NEGR1: variants seen among roughly 807,000 people sequenced by gnomAD.
NEGR1 encodes neuronal growth regulator 1, also known as IgLON family member 4.
In NEGR1, 10 loss-of-function variants were observed where a neutral mutation model predicts 40.9. The ratio of observed to expected loss-of-function variants is 0.24; its 90% CI spans 0.15 to 0.42. The LOEUF (loss-of-function observed/expected upper bound fraction) is 0.42, where lower values mean the gene tolerates loss of function less well. NEGR1 is among the 10% of genes least tolerant of loss of function. The pLI, the probability that NEGR1 is intolerant of heterozygous loss-of-function variation, is 1.00. For synonymous variants in NEGR1, 185 were observed against 166.8 expected (o/e 1.11, Z -0.84); for missense variants, 352 against 438.9 (o/e 0.80, Z 1.77).
intron 1 of NEGR1, among the ~76,000 whole-genome samples, chr1:72,067,133 A>C (rs540119064): frequency 3.0e-4 from 46 of 152,262 alleles, no homozygotes; most frequent in African/African-American, 1.1e-3. Flanking sequence ...AATAGCAAGT[A>C]CTATAAACAT....
At chr1:71,989,829 CA>C (rs1557471408) in intron 1 of NEGR1, among the ~76,000 whole-genome samples, 1 of 152,226 alleles carries the variant, frequency 6.6e-6, no homozygotes, top group East Asian at 1.9e-4. Context: ...CTCTCTCAGT[CA>C]AAACTCCTTG....
At chr1:72,043,864 T>A (rs1310575002) in intron 1 of NEGR1, among the ~76,000 whole-genome samples, 1 of 151,886 alleles carries the variant, frequency 6.6e-6, no homozygotes, top group Admixed American at 6.6e-5. Flanking sequence ...CTCCTGGATA[T>A]TTTGGTTGGA....
chr1:71,671,257 C>A (rs1457738610), intron 4 of NEGR1, among the ~76,000 whole-genome samples: 2 of 152,066 alleles, frequency 1.3e-5, no homozygotes, highest in African/African-American at 4.8e-5. Context: ...ATTAACCTTG[C>A]TCCTGGCAGT....
intron 1 of NEGR1, among the ~76,000 whole-genome samples, chr1:72,251,367 T>C (rs1655082817): frequency 6.6e-6 from 1 of 152,166 alleles, no homozygotes; most frequent in South Asian, 2.1e-4. Flanking sequence ...ATTAAATTAG[T>C]ATAAACATTA....
At chr1:72,030,142 G>A (rs1297653532) in intron 1 of NEGR1, among the ~76,000 whole-genome samples, 1 of 151,734 alleles carries the variant, frequency 6.6e-6, no homozygotes, top group Non-Finnish European at 1.5e-5. Context: ...CTTGACACAA[G>A]TGACAATGTA....
At chr1:71,523,480 T>C (rs1647178321) in intron 6 of NEGR1, among the ~76,000 whole-genome samples, 1 of 151,924 alleles carries the variant, frequency 6.6e-6, no homozygotes, top group Non-Finnish European at 1.5e-5. Context: ...AATATGAGTA[T>C]GAATATTACC....
chr1:71,987,523 G>A (rs1646405942), intron 1 of NEGR1, among the ~76,000 whole-genome samples: 3 of 152,184 alleles, frequency 2.0e-5, no homozygotes, highest in Admixed American at 2.0e-4. Flanking sequence ...GAAACAGAAT[G>A]CAGGGCATTG....
At chr1:72,161,558 T>A (rs148679264) in intron 1 of NEGR1, among the ~76,000 whole-genome samples, 1 of 152,122 alleles carries the variant, frequency 6.6e-6, no homozygotes, top group African/African-American at 2.4e-5. Flanking sequence ...CTCCAAAATA[T>A]CAAGAGGACA....
intron 2 of NEGR1, among the ~76,000 whole-genome samples, chr1:71,801,895 A>C (rs2101749212): frequency 6.6e-6 from 1 of 152,334 alleles, no homozygotes; most frequent in Non-Finnish European, 1.5e-5. Flanking sequence ...GCAAGCTATT[A>C]TTGTTTTAGA....
At chr1:71,427,709 A>G (rs1294657550) in intron 6 of NEGR1, among the ~76,000 whole-genome samples, 1 of 152,204 alleles carries the variant, frequency 6.6e-6, no homozygotes, top group Non-Finnish European at 1.5e-5. Flanking sequence ...ATGCTATTCA[A>G]TACATTCAGT....
At chr1:71,931,074 C>T (rs1004776701) in intron 2 of NEGR1, among the ~76,000 whole-genome samples, 1 of 152,096 alleles carries the variant, frequency 6.6e-6, no homozygotes, top group East Asian at 1.9e-4. Context: ...AATAAGCCCA[C>T]CCTTGATAAG....
intron 1 of NEGR1, among the ~76,000 whole-genome samples, chr1:72,219,708 G>A (rs1653947905): frequency 6.6e-6 from 1 of 151,928 alleles, no homozygotes; most frequent in East Asian, 1.9e-4. Flanking sequence ...CTTACATATA[G>A]CCACAATATT....
chr1:71,915,732 C>T (rs934981352), intron 2 of NEGR1, among the ~76,000 whole-genome samples: 6 of 151,990 alleles, frequency 3.9e-5, no homozygotes, highest in African/African-American at 1.4e-4. Context: ...TGTGTAATAT[C>T]GTAATTTAGG....
chr1:72,043,185 C>A (rs532126145), intron 1 of NEGR1, among the ~76,000 whole-genome samples: 1 of 152,038 alleles, frequency 6.6e-6, no homozygotes, highest in South Asian at 2.1e-4. Context: ...CCCAGCTTTC[C>A]TGAGTTCACA....
intron 3 of NEGR1, among the ~76,000 whole-genome samples, chr1:71,720,966 A>G (rs1357846054): frequency 2.0e-5 from 3 of 152,184 alleles, no homozygotes; most frequent in African/African-American, 7.2e-5. Context: ...TCAGCACTGC[A>G]ATATCCTTTC....
chr1:72,050,553 A>C (rs1045030548), intron 1 of NEGR1, among the ~76,000 whole-genome samples: 3 of 151,478 alleles, frequency 2.0e-5, no homozygotes, highest in Admixed American at 1.3e-4. Flanking sequence ...GGTAATCATT[A>C]TTTTTTATTC....
intron 6 of NEGR1, among the ~76,000 whole-genome samples, chr1:71,553,695 C>T (rs534899626): frequency 6.6e-6 from 1 of 151,592 alleles, no homozygotes; most frequent in Admixed American, 6.6e-5. Flanking sequence ...TCTGTTTGTG[C>T]ATAATTTTAA....
chr1:72,107,761 C>A (rs1485063523), intron 1 of NEGR1, among the ~76,000 whole-genome samples: 1 of 150,756 alleles, frequency 6.6e-6, no homozygotes, highest in Non-Finnish European at 1.5e-5. Flanking sequence ...TATATGTACA[C>A]CATACGTACA....
At chr1:71,832,537 C>G (rs1295169152) in intron 2 of NEGR1, among the ~76,000 whole-genome samples, 1 of 152,020 alleles carries the variant, frequency 6.6e-6, no homozygotes, top group Non-Finnish European at 1.5e-5. Context: ...ACATCAGGTT[C>G]TCCTTGTGAA....
Sources: allele counts gnomAD v4.1 joint callset (sites outside exome capture counted in the v4.1 genomes callset), GRCh38; gene constraint gnomAD v4.1.1; transcripts MANE v1.5; gene names NCBI Gene and HGNC (gene_info 2026-07-23, HGNC 2026-07-21).